The following DCTN6 variants were observed in gnomAD, a reference collection of about 807,000 sequenced individuals.
DCTN6 encodes the protein dynactin 6.
DCTN6 carries 15 observed loss-of-function variants against 25.8 expected under a neutral mutation model. That is an observed-to-expected ratio of 0.58 (90% CI 0.39 to 0.89). The LOEUF is 0.89. DCTN6 is among the 40% of genes least tolerant of loss of function. DCTN6 has a pLI of 0.00. For synonymous variants in DCTN6, 64 were observed against 78.3 expected (o/e 0.82, Z 0.96); for missense variants, 198 against 237.6 (o/e 0.83, Z 1.09).
chr8:30,166,589 T>C (rs1803679174), intron 2 of DCTN6, among the ~76,000 whole-genome samples: 1 of 152,180 alleles, frequency 6.6e-6, no homozygotes, highest in Non-Finnish European at 1.5e-5. Flanking sequence ...AAATAACATC[T>C]TTTGCAGAAG....
chr8:30,157,393 G>T lies in DCTN6; in HGVS notation c.23+987G>T, dbSNP rs567453984. The stretch of plus-strand genomic sequence containing the variant: ...TGCTATTGTGAATAGTACAGTGATA[G>T]TCATAGGAGTGCAGTTGTCTTTTTA... On this transcript the variant is annotated intron_variant, in intron 1 of 6. Coordinates refer to ENST00000221114, the MANE Select transcript of DCTN6 (RefSeq NM_006571.4). 3.0e-4 allele frequency among the ~76,000 whole-genome samples: 45 copies of T among 152,310 alleles called. 1 individual carries two copies. The highest frequency in any genetic ancestry group is 1.1e-3 in the African/African-American group (45 of 41,552).
At chr8:30,177,476 G>A in intron 4 of DCTN6, 1 of 226,880 alleles carries the variant, frequency 4.4e-6, no homozygotes, top group Non-Finnish European at 8.7e-6. Context: ...GGAGGCCGAA[G>A]CTGGCGGATC....
At chr8:30,177,091 T>A (rs781623347) in intron 3 of DCTN6, 35 bp from the exon 4 acceptor site, 1 of 1,552,488 alleles carries the variant, frequency 6.4e-7, no homozygotes, top group African/African-American at 1.4e-5. Flanking sequence ...ATTGTGTTAT[T>A]GACTTTTTGG....
chr8:30,181,552 G>A (rs953090909), intron 6 of DCTN6, among the ~76,000 whole-genome samples: 2 of 152,118 alleles, frequency 1.3e-5, no homozygotes, highest in African/African-American at 4.8e-5. Context: ...TTGCAGTTTC[G>A]AGCCTCATTG....
intron 1 of DCTN6, among the ~76,000 whole-genome samples, chr8:30,162,574 C>T (rs910990993): frequency 1.3e-5 from 2 of 152,136 alleles, no homozygotes; most frequent in Admixed American, 1.3e-4. Flanking sequence ...AAGAAGTTTC[C>T]TAATAACTAT....
At chr8:30,161,453 C>T (rs1275672542) in intron 1 of DCTN6, among the ~76,000 whole-genome samples, 1 of 152,156 alleles carries the variant, frequency 6.6e-6, no homozygotes, top group African/African-American at 2.4e-5. Context: ...CAATTATCTG[C>T]ATACCATTTG....
chr8:30,167,981 CATA>C (rs1333965849), intron 2 of DCTN6, among the ~76,000 whole-genome samples: 1 of 152,168 alleles, frequency 6.6e-6, no homozygotes, highest in Non-Finnish European at 1.5e-5. Context: ...CAGATTATAA[CATA>C]AGAAGTGGTA....
At chr8:30,182,468 CT>C (rs1803922107) in intron 6 of DCTN6, among the ~76,000 whole-genome samples, 1 of 151,992 alleles carries the variant, frequency 6.6e-6, no homozygotes, top group Admixed American at 6.6e-5. Context: ...GTAATCGGAA[CT>C]TTTAACTTTT....
At chr8:30,180,003 C>G (rs927231152) in intron 5 of DCTN6, among the ~76,000 whole-genome samples, 9 of 152,238 alleles carry the variant, frequency 5.9e-5, no homozygotes, top group Non-Finnish European at 1.3e-4. Flanking sequence ...TTTCTTGGTC[C>G]TGAGTGGCAC....
At chr8:30,181,616 C>T (rs2117602122) in intron 6 of DCTN6, among the ~76,000 whole-genome samples, 1 of 152,210 alleles carries the variant, frequency 6.6e-6, no homozygotes, top group South Asian at 2.1e-4. Flanking sequence ...TTTCCTCCCA[C>T]TAAAGAAAAT....
At chr8:30,161,652 G>T (rs1015757391) in intron 1 of DCTN6, among the ~76,000 whole-genome samples, 2 of 152,090 alleles carry the variant, frequency 1.3e-5, no homozygotes, top group African/African-American at 4.8e-5. Flanking sequence ...AACCTGGGAG[G>T]GGGGAAGAGG....
At chr8:30,157,877 CA>C (rs1803546743) in intron 1 of DCTN6, among the ~76,000 whole-genome samples, 1 of 152,112 alleles carries the variant, frequency 6.6e-6, no homozygotes, top group African/African-American at 2.4e-5. Context: ...AATCTTTTTT[CA>C]TAAGCTAAAG....
intron 6 of DCTN6, among the ~76,000 whole-genome samples, chr8:30,181,345 T>C (rs938071076): frequency 6.6e-6 from 1 of 152,204 alleles, no homozygotes; most frequent in African/African-American, 2.4e-5. Flanking sequence ...GGTGTGTCTA[T>C]TTATTGCCAT....
At chr8:30,170,994 T>C (rs1803755344) in intron 2 of DCTN6, among the ~76,000 whole-genome samples, 1 of 152,176 alleles carries the variant, frequency 6.6e-6, no homozygotes, top group Non-Finnish European at 1.5e-5. Flanking sequence ...TTTTTAAAAA[T>C]TTTTAAAAAG....
In DCTN6 at chr8:30,177,191, A is replaced by G. The variant is rs1803847484; in HGVS notation, c.260A>G (p.Asn87Ser). ...CCAAAACCTATGATCATTGGCACCA[A>G]TAATGTGTTTGAAGTTGGCTGTTGT... is the stretch of plus-strand genomic sequence containing the variant. ...PEPKPMIIGT[N>S]NVFEVGCYSQ... Residue 87 changes from asparagine to serine, a missense_variant, in exon 4 of 7, where the codon AAT becomes AGT. Asn to Ser is a conservative substitution (Grantham distance 46). Coordinates refer to ENST00000221114, the MANE Select transcript of DCTN6 (RefSeq NM_006571.4). The G allele has an allele frequency of 1.9e-6, 3 of 1,613,690 alleles. No homozygotes were observed. Among genetic ancestry groups the G allele is most frequent in the African/African-American group, 2.7e-5 (2 of 74,928 alleles).
rs951803258 is a variant in DCTN6, at chr8:30,183,007, C to T, written c.475-68C>T. On this transcript the variant is annotated intron_variant, in intron 6 of 6. Coordinates refer to ENST00000221114, the MANE Select transcript of DCTN6 (RefSeq NM_006571.4). ...GAGATTACAGGCATGACCCACCACG[C>T]CTGGTTGCTGTGTGGTACTCTTGAC... 4 of 1,364,008 alleles carry T rather than the reference C, an allele frequency of 2.9e-6. No homozygotes were observed. The South Asian group carries it at 3.5e-5, about 12-fold the overall frequency. 84.5% of individuals were successfully genotyped at this position (1,364,008 alleles called of 1,614,324 possible). A position where few individuals can be genotyped will look rare whatever the true frequency, so the allele number is the denominator to read the frequency against.
intron 1 of DCTN6, among the ~76,000 whole-genome samples, chr8:30,161,786 C>T (rs1233414808): frequency 5.4e-5 from 8 of 148,108 alleles, no homozygotes; most frequent in South Asian, 2.1e-4. Context: ...CTCACTCTGT[C>T]GCCCAGGCTG....
At chr8:30,166,315 C>CT (rs1803674728) in intron 2 of DCTN6, among the ~76,000 whole-genome samples, 5 of 124,898 alleles carry the variant, frequency 4.0e-5, no homozygotes, top group African/African-American at 9.0e-5. Context: ...TTTTTTTTTT[C>CT]TTTCTTTTTT....
chr8:30,181,922 C>A (rs1803915416), intron 6 of DCTN6, among the ~76,000 whole-genome samples: 1 of 151,374 alleles, frequency 6.6e-6, no homozygotes, highest in African/African-American at 2.4e-5. Context: ...TGATTCTTAG[C>A]CATATTTTAT....
Sources: gnomAD v4.1 joint callset for allele counts (sites outside exome capture counted in the v4.1 genomes callset) on GRCh38, gnomAD v4.1.1 for gene constraint, MANE v1.5 for transcripts, NCBI Gene and HGNC (gene_info 2026-07-23, HGNC 2026-07-21) for gene names.